PDK1: variants seen among roughly 807,000 people sequenced by gnomAD.
PDK1 encodes the protein [Pyruvate dehydrogenase (acetyl-transferring)] kinase isozyme 1, mitochondrial.
Under a neutral mutation model 54.2 loss-of-function variants are expected in PDK1, and 39 were observed. The ratio of observed to expected loss-of-function variants is 0.72; its 90% CI spans 0.56 to 0.94. The LOEUF (loss-of-function observed/expected upper bound fraction) is 0.94, where lower values mean the gene tolerates loss of function less well. Among genes scored for constraint, PDK1 ranks in the 40% least tolerant of loss-of-function variants. The pLI, the probability that PDK1 is intolerant of heterozygous loss-of-function variation, is 0.00. For synonymous variants in PDK1, 221 were observed against 207.1 expected (o/e 1.07, Z -0.58); for missense variants, 552 against 566.0 (o/e 0.98, Z 0.25).
rs1248373470 is a variant in PDK1, at chr2:172,600,111, T to G, written c.*4142T>G. The G allele has an allele frequency of 6.6e-6, 1 of 152,204 alleles. No individual in the cohort carries two copies. The highest frequency in any genetic ancestry group is 1.5e-5 in the Non-Finnish European group (1 of 68,046). The allele number at this position is 152,204 out of a possible 1,614,324, so 9.4% of individuals were successfully genotyped here. On this transcript the variant is annotated 3_prime_UTR_variant, in exon 11 of 11. Coordinates refer to ENST00000282077, the MANE Select transcript of PDK1 (RefSeq NM_002610.5). ...TTAAAAATGCTGAGAAGGTTTTTTT[T>G]GGAAACAGTTTATGAGGCCAGGACA...
chr2:172,667,721 TCTA>T, the PDK1 span, among the ~76,000 whole-genome samples: 3 of 152,242 alleles, frequency 2.0e-5, no homozygotes, highest in Admixed American at 1.3e-4. Context: ...TGTAGTGCTC[TCTA>T]CTAAGTACAC....
chr2:172,717,902 T>G, the PDK1 span, among the ~76,000 whole-genome samples: 1 of 152,312 alleles, frequency 6.6e-6, no homozygotes, highest in African/African-American at 2.4e-5. Context: ...CGGTAATGTG[T>G]AAGACACTTC....
At chr2:172,635,913 G>A in the PDK1 span, among the ~76,000 whole-genome samples, 9 of 152,280 alleles carry the variant, frequency 5.9e-5, no homozygotes, top group Admixed American at 1.3e-4. Flanking sequence ...ACTGCTTCCC[G>A]TACCTTGCCT....
chr2:172,563,984 G>A (rs867146196), intron 3 of PDK1: 38 of 470,710 alleles, frequency 8.1e-5, no homozygotes, highest in Middle Eastern at 6.5e-4. Context: ...AAACTCATAG[G>A]ATGAGTGAAA....
the PDK1 span, among the ~76,000 whole-genome samples, chr2:172,647,816 T>G: frequency 5.0e-5 from 2 of 39,914 alleles, no homozygotes; most frequent in African/African-American, 1.9e-4. Context: ...CACAAGATAT[T>G]TGTTAGTTTC....
chr2:172,707,125 G>A, the PDK1 span, among the ~76,000 whole-genome samples: 3 of 152,156 alleles, frequency 2.0e-5, no homozygotes, highest in African/African-American at 4.8e-5. Context: ...GCAGGGAAGG[G>A]TAGGGAGGCT....
At chr2:172,674,252 C>T in the PDK1 span, 1 of 152,398 alleles carries the variant, frequency 6.6e-6, no homozygotes, top group African/African-American at 2.4e-5. Context: ...AGCGAAACTT[C>T]AAATCAAATT....
At chr2:172,558,188 G>A (rs1199321623) in intron 1 of PDK1, 1 of 152,372 alleles carries the variant, frequency 6.6e-6, no homozygotes, top group Non-Finnish European at 1.5e-5. Flanking sequence ...AGTGGAGAAG[G>A]AACAAAGAAA....
the PDK1 span, among the ~76,000 whole-genome samples, chr2:172,623,215 G>T: frequency 1.3e-5 from 2 of 152,024 alleles, no homozygotes; most frequent in Non-Finnish European, 2.9e-5. Context: ...CTGTTGTGAG[G>T]TAATAAGCTT....
intron 8 of PDK1, among the ~76,000 whole-genome samples, chr2:172,581,040 A>T (rs919546463): frequency 6.6e-6 from 1 of 151,826 alleles, no homozygotes; most frequent in Non-Finnish European, 1.5e-5. Flanking sequence ...CGATGAATAT[A>T]TTAAAAACCA....
chr2:172,610,359 T>C (rs1054215722), downstream of PDK1, among the ~76,000 whole-genome samples: 6 of 152,114 alleles, frequency 3.9e-5, no homozygotes, highest in Admixed American at 2.0e-4. Context: ...ACGATGCCTC[T>C]CAGAGCTCTG....
the PDK1 span, among the ~76,000 whole-genome samples, chr2:172,684,176 T>A: frequency 3.3e-5 from 5 of 152,202 alleles, no homozygotes; most frequent in Non-Finnish European, 7.3e-5. Flanking sequence ...ATCCCAGCAC[T>A]TTGGGAGGCC....
chr2:172,704,564 T>C, the PDK1 span, among the ~76,000 whole-genome samples: 1 of 152,144 alleles, frequency 6.6e-6, no homozygotes, highest in Non-Finnish European at 1.5e-5. Flanking sequence ...TTCGACAGGT[T>C]CTACAGAGTG....
chr2:172,673,061 AG>A, the PDK1 span, among the ~76,000 whole-genome samples: 8,542 of 152,278 alleles, frequency 0.056, 994 homozygotes, highest in East Asian at 0.53. Context: ...ATCAAGCTTT[AG>A]CACAAGAATA....
At chr2:172,698,698 A>G in the PDK1 span, among the ~76,000 whole-genome samples, 2 of 152,234 alleles carry the variant, frequency 1.3e-5, no homozygotes, top group African/African-American at 4.8e-5. Flanking sequence ...GTGACGCTGA[A>G]GCTGGTCTAG....
intron 8 of PDK1, among the ~76,000 whole-genome samples, chr2:172,574,251 A>T (rs1017150333): frequency 2.6e-5 from 4 of 152,150 alleles, no homozygotes; most frequent in African/African-American, 9.6e-5. Flanking sequence ...AATGTATGGG[A>T]TTTATTTCTG....
the PDK1 span, among the ~76,000 whole-genome samples, chr2:172,627,019 G>T: frequency 1.3e-5 from 2 of 151,964 alleles, no homozygotes; most frequent in African/African-American, 4.8e-5. Flanking sequence ...AAAAGATAGA[G>T]AAAAAAAGAG....
the PDK1 span, among the ~76,000 whole-genome samples, chr2:172,613,865 C>G: frequency 1.3e-5 from 2 of 152,146 alleles, no homozygotes; most frequent in African/African-American, 4.8e-5. Flanking sequence ...TCCTGCTCTA[C>G]GGAGCAGGCA....
chr2:172,592,797 A>C, intron 9 of PDK1, 138 bp from the exon 10 acceptor site: 1 of 433,374 alleles, frequency 2.3e-6, no homozygotes, highest in Non-Finnish European at 4.2e-6. Context: ...ATGCTTAAAT[A>C]TTAATTATAT....
Sources: gnomAD v4.1 joint callset for allele counts (sites outside exome capture counted in the v4.1 genomes callset) on GRCh38, gnomAD v4.1.1 for gene constraint, MANE v1.5 for transcripts, NCBI Gene and HGNC (gene_info 2026-07-23, HGNC 2026-07-21) for gene names.